MBNL1: variants seen among roughly 807,000 people sequenced by gnomAD.
MBNL1 encodes muscleblind like splicing regulator 1.
A neutral mutation model predicts 42.2 loss-of-function variants in MBNL1; 8 were observed. That is an observed-to-expected ratio of 0.19 (90% CI 0.11 to 0.34). MBNL1 has a LOEUF of 0.34. MBNL1 is among the 10% of genes least tolerant of loss of function. The pLI is 1.00. For synonymous variants in MBNL1, 169 were observed against 173.9 expected (o/e 0.97, Z 0.22); for missense variants, 309 against 495.3 (o/e 0.62, Z 3.57).
intron 2 of MBNL1, among the ~76,000 whole-genome samples, chr3:152,246,553 ATAT>A (rs1363613993): frequency 2.6e-5 from 4 of 151,530 alleles, no homozygotes; most frequent in East Asian, 1.9e-4. Context: ...TAATTATTTA[ATAT>A]TATTGTTTAT....
intron 1 of MBNL1, among the ~76,000 whole-genome samples, chr3:152,294,580 G>A (rs1005872421): frequency 6.6e-6 from 1 of 151,950 alleles, no homozygotes; most frequent in Non-Finnish European, 1.5e-5. Flanking sequence ...CACCGTGCCC[G>A]GCCTTAAGTT....
At chr3:152,339,378 G>A (rs533493765) in intron 2 of MBNL1, among the ~76,000 whole-genome samples, 1 of 152,284 alleles carries the variant, frequency 6.6e-6, no homozygotes, top group African/African-American at 2.4e-5. Context: ...TGTATGATGG[G>A]TAGGGGAGAG....
chr3:152,393,517 G>T (rs577398064), intron 2 of MBNL1, among the ~76,000 whole-genome samples: 89 of 152,302 alleles, frequency 5.8e-4, no homozygotes, highest in African/African-American at 2.1e-3. Flanking sequence ...TTAAGGAAAT[G>T]AATGTTACGG....
chr3:152,268,677 G>A, upstream of MBNL1: 1 of 437,862 alleles, frequency 2.3e-6, no homozygotes. Flanking sequence ...TCCTGCTCTC[G>A]GCGCCGCTGG....
At chr3:152,412,872 TTC>T (rs1269132928) in intron 2 of MBNL1, among the ~76,000 whole-genome samples, 1 of 152,160 alleles carries the variant, frequency 6.6e-6, no homozygotes, top group Non-Finnish European at 1.5e-5. Flanking sequence ...GGGAAGTGAA[TTC>T]TCGTGGTGAC....
chr3:152,287,464 G>C (rs1434440512), intron 1 of MBNL1, among the ~76,000 whole-genome samples: 1 of 152,194 alleles, frequency 6.6e-6, no homozygotes, highest in African/African-American at 2.4e-5. Flanking sequence ...ACAGTAAGCA[G>C]TCTCTGGTAA....
intron 1 of MBNL1, among the ~76,000 whole-genome samples, chr3:152,278,958 A>G (rs2046871184): frequency 6.6e-6 from 1 of 152,120 alleles, no homozygotes; most frequent in African/African-American, 2.4e-5. Context: ...CAAAGGAGGA[A>G]ACTGAAAGAG....
chr3:152,268,621 C>T (rs1236180695), upstream of MBNL1: 1 of 399,810 alleles, frequency 2.5e-6, no homozygotes, highest in South Asian at 1.8e-5. Flanking sequence ...AAGATACCAA[C>T]GGGAGGCCGA....
chr3:152,461,685 G>A (rs1230023494), intron 9 of MBNL1, among the ~76,000 whole-genome samples: 1 of 152,120 alleles, frequency 6.6e-6, no homozygotes, highest in Non-Finnish European at 1.5e-5. Context: ...TCATTTTCAA[G>A]GTTGTATTGT....
rs1173278998 is a variant in MBNL1 at position 152,328,266 on chromosome 3, C to A, written c.174+27899C>A. On this transcript the variant is annotated intron_variant, in intron 2 of 9. Transcript: ENST00000324210. ...TAAGACTAGTAACACATTATTTTCT[C>A]CAAAGGATCCTGTGACTGACACAAA... 8.6e-5 allele frequency among the ~76,000 whole-genome samples: 13 copies of A among 152,022 alleles called. 1 individual carries two copies.
intron 2 of MBNL1, among the ~76,000 whole-genome samples, chr3:152,321,498 A>G (rs2076467375): frequency 6.6e-6 from 1 of 152,066 alleles, no homozygotes; most frequent in Non-Finnish European, 1.5e-5. Context: ...TAAAAATGAT[A>G]CAACTTTACA....
rs1344126691 is a variant in MBNL1 at position 152,465,126 on chromosome 3, A to ACTT, written c.*2763_*2765dup. 1 of 152,404 alleles carries ACTT rather than the reference A, an allele frequency of 6.6e-6. No individual in the cohort carries two copies. Among genetic ancestry groups the ACTT allele is most frequent in the Non-Finnish European group, 1.5e-5 (1 of 68,038 alleles). 9.4% of individuals were successfully genotyped at this position (152,404 alleles called of 1,614,324 possible). On this transcript the variant is annotated 3_prime_UTR_variant, in exon 10 of 10. Coordinates refer to ENST00000324210, the MANE Select transcript of MBNL1 (RefSeq NM_021038.5). ...AAGATCATTACCAAAAATAGCAGGT[A>ACTT]CTTCTACCATTAAGGTGAAATCATG...
intron 2 of MBNL1, among the ~76,000 whole-genome samples, chr3:152,376,107 A>G (rs1191343453): frequency 2.0e-5 from 3 of 152,126 alleles, no homozygotes; most frequent in Non-Finnish European, 4.4e-5. Context: ...TATCATACCC[A>G]TGGTATCTTA....
intron 2 of MBNL1, among the ~76,000 whole-genome samples, chr3:152,407,709 G>A (rs113305896): frequency 1.1e-3 from 164 of 152,188 alleles, no homozygotes; most frequent in African/African-American, 3.3e-3. Flanking sequence ...TACTACAATA[G>A]CAAAGACATG....
chr3:152,248,661 C>T (rs906146811), intron 2 of MBNL1, among the ~76,000 whole-genome samples: 6 of 151,740 alleles, frequency 4.0e-5, no homozygotes, highest in Admixed American at 3.9e-4. Flanking sequence ...TACATGTGCA[C>T]AATGTGCAGG....
intron 2 of MBNL1, among the ~76,000 whole-genome samples, chr3:152,252,243 C>T (rs192291807): frequency 4.4e-4 from 66 of 148,378 alleles, no homozygotes; most frequent in Non-Finnish European, 8.3e-4. Context: ...TTTCTCCCTC[C>T]TTCCCTTCCT....
chr3:152,246,995 T>A (rs1387103680), intron 2 of MBNL1, among the ~76,000 whole-genome samples: 1 of 152,180 alleles, frequency 6.6e-6, no homozygotes, highest in African/African-American at 2.4e-5. Context: ...AATAATTACA[T>A]TTAGGAATAA....
intron 2 of MBNL1, chr3:152,335,127 G>A: frequency 7.8e-7 from 1 of 1,288,924 alleles, no homozygotes; most frequent in East Asian, 5.6e-5. Context: ...CTCAGGAAAT[G>A]TTGTTTAAGG....
At chr3:152,440,132 T>C (rs1209372701) in intron 4 of MBNL1, among the ~76,000 whole-genome samples, 2 of 152,224 alleles carry the variant, frequency 1.3e-5, no homozygotes, top group East Asian at 1.9e-4. Flanking sequence ...TGAATAGTAA[T>C]GATGGAGTCT....
Sources: gnomAD v4.1 joint callset for allele counts (sites outside exome capture counted in the v4.1 genomes callset) on GRCh38, gnomAD v4.1.1 for gene constraint, MANE v1.5 for transcripts, NCBI Gene and HGNC (gene_info 2026-07-23, HGNC 2026-07-21) for gene names.